FRAS1: variants seen among roughly 807,000 people sequenced by gnomAD.
FRAS1 encodes the protein extracellular matrix organizing protein FRAS1.
Under a neutral mutation model 435.2 loss-of-function variants are expected in FRAS1, and 290 were observed. The ratio of observed to expected loss-of-function variants is 0.67; its 90% confidence interval spans 0.61 to 0.73. The LOEUF is 0.73. Ranked by LOEUF, FRAS1 falls within the 30% of genes least tolerant of loss-of-function variation. FRAS1 has a pLI of 0.00. For synonymous variants in FRAS1, 1,800 were observed against 1,851.0 expected, an observed-to-expected ratio of 0.97 and a Z score of 0.71; for missense variants, 4,860 against 5,001.5, an observed-to-expected ratio of 0.97 and a Z score of 0.85.
Position 78,266,912 on chromosome 4 carries a change from TG to T in FRAS1, c.767del (p.Cys256SerfsTer4). ...TGAGGTCAGGTGTCACAAGCAGGCCTGCCTGCCCCTGAGATGCGGAAAGGTA... is the reference window on the plus strand; with the variant it reads ...TGAGGTCAGGTGTCACAAGCAGGCCTCCTGCCCCTGAGATGCGGAAAGGTA... ...RGEVRCHKQA[C>X]LPLRCGKGQS... On this transcript the variant is annotated frameshift_variant, in exon 8 of 74. Transcript: ENST00000512123. LOFTEE classifies it high-confidence loss of function. 1 of 1,606,792 alleles carries T rather than the reference TG, an allele frequency of 6.2e-7. No homozygotes were observed. The highest frequency in any genetic ancestry group is 8.5e-7 in the Non-Finnish European group (1 of 1,176,364).
chr4:78,189,616 G>A (rs1722438343), intron 2 of FRAS1, among the ~76,000 whole-genome samples: 1 of 152,168 alleles, frequency 6.6e-6, no homozygotes, highest in Non-Finnish European at 1.5e-5. Context: ...TCTTGCTGTA[G>A]TCTCTTTCCA....
intron 5 of FRAS1, 31 bp from the exon 6 acceptor site, chr4:78,255,211 C>A: frequency 6.4e-7 from 1 of 1,551,266 alleles, no homozygotes; most frequent in Non-Finnish European, 8.7e-7. Flanking sequence ...ATGCCATCCC[C>A]CTAGTAATCC....
At chr4:78,398,168 C>CA (rs1452574362) in intron 29 of FRAS1, among the ~76,000 whole-genome samples, 4 of 151,950 alleles carry the variant, frequency 2.6e-5, no homozygotes, top group Non-Finnish European at 5.9e-5. Context: ...TTATATACTG[C>CA]AAAAAAATCA....
At chr4:78,215,826 A>C (rs1478966057) in intron 2 of FRAS1, among the ~76,000 whole-genome samples, 1 of 152,200 alleles carries the variant, frequency 6.6e-6, no homozygotes, top group Non-Finnish European at 1.5e-5. Flanking sequence ...GTATGTATTG[A>C]CTACATTTTG....
At chr4:78,308,546 T>A (rs916665349) in intron 15 of FRAS1, among the ~76,000 whole-genome samples, 4 of 152,192 alleles carry the variant, frequency 2.6e-5, no homozygotes, top group Non-Finnish European at 5.9e-5. Context: ...TCCCAAACTC[T>A]CTACCAACAC....
At chr4:78,190,899 A>G (rs1009325390) in intron 2 of FRAS1, among the ~76,000 whole-genome samples, 1 of 152,206 alleles carries the variant, frequency 6.6e-6, no homozygotes, top group Non-Finnish European at 1.5e-5. Flanking sequence ...ATTAAGATAA[A>G]ACAACAAAAG....
At chr4:78,236,139 G>T (rs1023872697) in intron 2 of FRAS1, among the ~76,000 whole-genome samples, 1 of 152,124 alleles carries the variant, frequency 6.6e-6, no homozygotes, top group Non-Finnish European at 1.5e-5. Flanking sequence ...AAATCCAGGG[G>T]AGAATGAGAT....
chr4:78,072,209 C>T (rs1740393372), intron 2 of FRAS1: 1 of 152,098 alleles, frequency 6.6e-6, no homozygotes, highest in Non-Finnish European at 1.5e-5. Flanking sequence ...TTGAGAACTT[C>T]TGGTCTAATC....
intron 14 of FRAS1, among the ~76,000 whole-genome samples, chr4:78,306,325 C>T (rs1434442871): frequency 6.7e-6 from 1 of 150,260 alleles, no homozygotes; most frequent in Non-Finnish European, 1.5e-5. Context: ...TTTGGTGAAT[C>T]TGACAATTAT....
chr4:78,475,741 T>C, intron 54 of FRAS1, 135 bp downstream of exon 54: 1 of 763,850 alleles, frequency 1.3e-6, no homozygotes, highest in Non-Finnish European at 2.0e-6. Context: ...ATAGTTTTCC[T>C]ATGTTCCCCT....
intron 20 of FRAS1, among the ~76,000 whole-genome samples, chr4:78,339,673 C>T (rs1401725744): frequency 3.3e-5 from 5 of 152,178 alleles, no homozygotes; most frequent in Non-Finnish European, 7.3e-5. Flanking sequence ...GTCCTCTAAC[C>T]TGGGTGACAA....
chr4:78,180,823 A>T (rs1721967127), intron 2 of FRAS1: 1 of 1,400,362 alleles, frequency 7.1e-7, no homozygotes, highest in East Asian at 2.3e-5. Context: ...AGCTTTGAAC[A>T]GAAGGGTTCA....
chr4:78,427,836 A>G (rs541710843), intron 35 of FRAS1, among the ~76,000 whole-genome samples: 6 of 152,364 alleles, frequency 3.9e-5, no homozygotes, highest in African/African-American at 1.4e-4. Flanking sequence ...AAACTTGAAT[A>G]GAATCATTAC....
chr4:78,223,544 C>T (rs1724141609), intron 2 of FRAS1, among the ~76,000 whole-genome samples: 1 of 152,078 alleles, frequency 6.6e-6, no homozygotes, highest in Non-Finnish European at 1.5e-5. Flanking sequence ...AATCTAATGA[C>T]AGTAGTGAAC....
At chr4:78,309,442 A>G (rs1728928293) in intron 15 of FRAS1, among the ~76,000 whole-genome samples, 1 of 152,220 alleles carries the variant, frequency 6.6e-6, no homozygotes, top group Non-Finnish European at 1.5e-5. Flanking sequence ...GCATTCTATC[A>G]GTGTTTGGTG....
intron 2 of FRAS1, among the ~76,000 whole-genome samples, chr4:78,168,093 T>G (rs754957451): frequency 2.0e-5 from 3 of 152,094 alleles, no homozygotes; most frequent in Non-Finnish European, 4.4e-5. Flanking sequence ...ACATGTGTTA[T>G]CCTCCCAAGC....
intron 38 of FRAS1, among the ~76,000 whole-genome samples, chr4:78,433,376 A>G (rs1734287513): frequency 6.6e-6 from 1 of 152,256 alleles, no homozygotes; most frequent in Non-Finnish European, 1.5e-5. Context: ...TGAAAGGAAG[A>G]ATGATTATCT....
intron 9 of FRAS1, among the ~76,000 whole-genome samples, chr4:78,270,102 G>T (rs1334564022): frequency 6.6e-6 from 1 of 152,158 alleles, no homozygotes; most frequent in Admixed American, 6.5e-5. Flanking sequence ...AGCAATTTTA[G>T]TCAAAAGTCA....
chr4:78,324,362 C>T (rs946233082), intron 18 of FRAS1, among the ~76,000 whole-genome samples: 5 of 152,050 alleles, frequency 3.3e-5, no homozygotes, highest in Non-Finnish European at 5.9e-5. Context: ...TTTAACTGAG[C>T]GTCTTGTGTT....
Sources: gnomAD v4.1 joint callset for allele counts (sites outside exome capture counted in the v4.1 genomes callset) on GRCh38, gnomAD v4.1.1 for gene constraint, MANE v1.5 for transcripts, NCBI Gene and HGNC (gene_info 2026-07-23, HGNC 2026-07-21) for gene names.